The following SEMA3E variants were observed in gnomAD, a reference collection of about 807,000 sequenced individuals.
The protein encoded by SEMA3E is semaphorin 3E.
SEMA3E carries 49 observed loss-of-function variants against 93.6 expected under a neutral mutation model. That is an observed-to-expected ratio of 0.52 (90% CI 0.42 to 0.66). The LOEUF (loss-of-function observed/expected upper bound fraction) is 0.66. Among genes scored for constraint, SEMA3E ranks in the 30% least tolerant of loss-of-function variants. The probability of loss-of-function intolerance (pLI) is 0.00; values close to 1 mark genes in which losing one functional copy is unlikely to be tolerated. For synonymous variants in SEMA3E, 363 were observed against 330.7 expected, an observed-to-expected ratio of 1.10 and a Z score of -1.06; for missense variants, 906 against 964.8, an observed-to-expected ratio of 0.94 and a Z score of 0.81.
intron 4 of SEMA3E, among the ~76,000 whole-genome samples, chr7:83,451,487 T>G (rs1476568974): frequency 6.6e-6 from 1 of 152,210 alleles, no homozygotes; most frequent in East Asian, 1.9e-4. Context: ...ACACATTCAT[T>G]CATTCCATAG....
intron 4 of SEMA3E, among the ~76,000 whole-genome samples, chr7:83,422,034 AGGCATTGT>A (rs1788677403): frequency 6.6e-6 from 1 of 152,118 alleles, no homozygotes; most frequent in African/African-American, 2.4e-5. Context: ...AAAATTAGCC[AGGCATTGT>A]GGCGCATGCC....
chr7:83,399,448 C>T (rs56828201), intron 11 of SEMA3E, among the ~76,000 whole-genome samples: 18,345 of 152,108 alleles, frequency 0.12, 1,225 homozygotes, highest in Non-Finnish European at 0.15. Flanking sequence ...TTGATCTTGA[C>T]GTGAACTCAT....
At chr7:83,588,132 C>T (rs1792670512) in intron 1 of SEMA3E, among the ~76,000 whole-genome samples, 1 of 151,902 alleles carries the variant, frequency 6.6e-6, no homozygotes, top group Non-Finnish European at 1.5e-5. Flanking sequence ...GCCTGTAATC[C>T]CAGCACTTTG....
chr7:83,554,536 A>G (rs964555480), intron 1 of SEMA3E, among the ~76,000 whole-genome samples: 2 of 97,522 alleles, frequency 2.1e-5, no homozygotes, highest in Non-Finnish European at 3.8e-5. Context: ...TGATAGGGGC[A>G]GTTTTTTTTA....
intron 1 of SEMA3E, among the ~76,000 whole-genome samples, chr7:83,577,853 TA>T (rs1344595337): frequency 4.6e-5 from 7 of 152,056 alleles, no homozygotes; most frequent in Non-Finnish European, 8.8e-5. Context: ...ATAGTTATCA[TA>T]AATATAAATA....
intron 1 of SEMA3E, among the ~76,000 whole-genome samples, chr7:83,599,049 T>G (rs1398938487): frequency 2.6e-5 from 4 of 152,282 alleles, no homozygotes; most frequent in Non-Finnish European, 5.9e-5. Flanking sequence ...TTGTCATACT[T>G]CAGAAAATGC....
intron 1 of SEMA3E, among the ~76,000 whole-genome samples, chr7:83,533,990 A>C (rs1791358699): frequency 6.6e-6 from 1 of 152,180 alleles, no homozygotes; most frequent in South Asian, 2.1e-4. Flanking sequence ...AAATTCAAGT[A>C]TTGTTCTAAA....
chr7:83,364,402 A>T lies in SEMA3E; in HGVS notation c.*3184T>A, dbSNP rs1260462633. 6.6e-6 allele frequency: 1 copy of T among 152,232 alleles called. No homozygotes were observed. The highest frequency in any genetic ancestry group is 2.4e-5 in the African/African-American group (1 of 41,458). 9.4% of individuals were successfully genotyped at this position (152,232 alleles called of 1,614,324 possible). A position where few individuals can be genotyped will look rare whatever the true frequency, so the allele number is the denominator to read the frequency against. The stretch of plus-strand genomic sequence containing the variant: ...TTTTAGATAGAAAAAACTCTAAAAT[A>T]TGTATGGAATTGCCACTTACTAAAC... On this transcript the variant is annotated 3_prime_UTR_variant, in exon 17 of 17. Coordinates refer to ENST00000643230, the MANE Select transcript of SEMA3E (RefSeq NM_012431.3).
chr7:83,610,066 A>G (rs1562853895), intron 1 of SEMA3E, among the ~76,000 whole-genome samples: 2 of 152,072 alleles, frequency 1.3e-5, no homozygotes, highest in Non-Finnish European at 2.9e-5. Context: ...AGAAATTGTG[A>G]AAACAATGTT....
intron 1 of SEMA3E, among the ~76,000 whole-genome samples, chr7:83,499,655 A>G (rs1243585467): frequency 6.6e-6 from 1 of 152,178 alleles, no homozygotes; most frequent in East Asian, 1.9e-4. Context: ...TTCGTGTATC[A>G]CTTATGTTGG....
chr7:83,588,109 CGCGGTG>C (rs1378591338), intron 1 of SEMA3E, among the ~76,000 whole-genome samples: 1 of 152,038 alleles, frequency 6.6e-6, no homozygotes, highest in Non-Finnish European at 1.5e-5. Flanking sequence ...CTGAGGCCGG[CGCGGTG>C]GCTCATGCCT....
At chr7:83,546,993 G>T (rs1791664739) in intron 1 of SEMA3E, among the ~76,000 whole-genome samples, 1 of 152,050 alleles carries the variant, frequency 6.6e-6, no homozygotes, top group Non-Finnish European at 1.5e-5. Flanking sequence ...CAAGAATGGT[G>T]ACATTTGAAA....
rs75698844 is a variant in SEMA3E, at chr7:83,553,209, T to C, written c.116-62935A>G. ...TTATTTCTCGGCCAGCCGACACTTA[T>C]GGAAAATAGAAAGAACCTACGTTGA... On this transcript the variant is annotated intron_variant, in intron 1 of 16. Coordinates refer to ENST00000643230, the MANE Select transcript of SEMA3E (RefSeq NM_012431.3). Among the ~76,000 whole-genome samples, 261 of 152,308 alleles carry C rather than the reference T, an allele frequency of 1.7e-3. 1 individual carries two copies. Among genetic ancestry groups the C allele is most frequent in the African/African-American group, 5.6e-3 (233 of 41,574 alleles).
chr7:83,443,916 GAT>G (rs60405752), intron 4 of SEMA3E, among the ~76,000 whole-genome samples: 67,714 of 146,954 alleles, frequency 0.46, 16,106 homozygotes, highest in East Asian at 0.79. Flanking sequence ...ATAATGACCT[GAT>G]ATATATATAT....
At chr7:83,496,417 C>T (rs1790492186) in intron 1 of SEMA3E, among the ~76,000 whole-genome samples, 1 of 151,684 alleles carries the variant, frequency 6.6e-6, no homozygotes, top group African/African-American at 2.4e-5. Context: ...TATTTAATGG[C>T]AACAAGATAA....
intron 1 of SEMA3E, among the ~76,000 whole-genome samples, 192 bp from the exon 2 acceptor site, chr7:83,490,466 TCAA>T (rs1401465341): frequency 6.6e-6 from 1 of 152,022 alleles, no homozygotes; most frequent in Non-Finnish European, 1.5e-5. Flanking sequence ...TCTAAAAACT[TCAA>T]CAATTTAATA....
intron 1 of SEMA3E, among the ~76,000 whole-genome samples, chr7:83,561,854 C>T (rs1215180947): frequency 2.6e-5 from 4 of 152,058 alleles, no homozygotes; most frequent in Non-Finnish European, 5.9e-5. Flanking sequence ...GACTTTTTAG[C>T]TTAGATGAGT....
chr7:83,410,940 G>T (rs959396740), intron 5 of SEMA3E, among the ~76,000 whole-genome samples: 1 of 151,826 alleles, frequency 6.6e-6, no homozygotes, highest in Admixed American at 6.6e-5. Context: ...AATGTATAAT[G>T]GGAATGAAGA....
intron 4 of SEMA3E, among the ~76,000 whole-genome samples, chr7:83,421,955 A>G (rs537677939): frequency 6.6e-6 from 1 of 152,328 alleles, no homozygotes; most frequent in East Asian, 1.9e-4. Flanking sequence ...AGGAAGGCAC[A>G]TCACCTGAGG....
Sources: gnomAD v4.1 joint callset for allele counts (sites outside exome capture counted in the v4.1 genomes callset) on GRCh38, gnomAD v4.1.1 for gene constraint, MANE v1.5 for transcripts, NCBI Gene and HGNC (gene_info 2026-07-23, HGNC 2026-07-21) for gene names.